Variants in CADM2 observed in about 807,000 individuals in gnomAD.
CADM2 encodes immunoglobulin superfamily member 4D.
CADM2 carries 12 observed loss-of-function variants against 49.8 expected under a neutral mutation model. That is an observed-to-expected ratio of 0.24 (90% CI 0.15 to 0.39). The LOEUF is 0.39. Among genes scored for constraint, CADM2 ranks in the 10% least tolerant of loss-of-function variants. The pLI is 1.00. For synonymous variants in CADM2, 214 were observed against 175.4 expected (o/e 1.22, Z -1.74); for missense variants, 378 against 492.3 (o/e 0.77, Z 2.20).
At chr3:86,052,588 G>A (rs1475886910) in intron 8 of CADM2, among the ~76,000 whole-genome samples, 3 of 151,986 alleles carry the variant, frequency 2.0e-5, no homozygotes, top group Non-Finnish European at 4.4e-5. Context: ...CAATGATGTA[G>A]GACAAAATTT....
intron 1 of CADM2, among the ~76,000 whole-genome samples, chr3:85,398,420 G>A (rs1012516334): frequency 6.6e-6 from 1 of 152,148 alleles, no homozygotes; most frequent in Non-Finnish European, 1.5e-5. Context: ...GGACATTTGG[G>A]TTGGTTCCAA....
Position 85,757,219 on chromosome 3 carries a change from G to A in CADM2, c.88+30671G>A, listed in dbSNP as rs191851990. On this transcript the variant is annotated intron_variant, in intron 2 of 9. Coordinates refer to ENST00000383699, the MANE Select transcript of CADM2 (RefSeq NM_001167675.2). ...GAAATTAACATTTGCAATGATATTA[G>A]AAGACTATAAGAAAAGGACTAAAGA... 1.4e-3 allele frequency among the ~76,000 whole-genome samples: 207 copies of A among 152,214 alleles called. 1 individual carries two copies. The highest frequency in any genetic ancestry group is 2.6e-3 in the Non-Finnish European group (176 of 67,984).
chr3:85,815,588 A>G (rs757679537), intron 3 of CADM2, among the ~76,000 whole-genome samples: 18 of 152,200 alleles, frequency 1.2e-4, no homozygotes, highest in Non-Finnish European at 1.5e-4. Flanking sequence ...TATTGATAGA[A>G]CATATCTCAA....
chr3:85,815,897 G>A (rs1475114421), intron 3 of CADM2, among the ~76,000 whole-genome samples: 2 of 152,074 alleles, frequency 1.3e-5, no homozygotes, highest in East Asian at 1.9e-4. Context: ...CTTTAGCAAA[G>A]TTCAGGATAC....
At chr3:85,905,879 TATC>T (rs1211284502) in intron 5 of CADM2, among the ~76,000 whole-genome samples, 16 of 152,144 alleles carry the variant, frequency 1.1e-4, no homozygotes, top group Non-Finnish European at 2.1e-4. Flanking sequence ...TTCAGAAACT[TATC>T]ATTTCATCAC....
intron 1 of CADM2, among the ~76,000 whole-genome samples, chr3:85,369,958 A>T (rs1225128578): frequency 6.6e-6 from 1 of 151,822 alleles, no homozygotes; most frequent in African/African-American, 2.4e-5. Flanking sequence ...GAATGGAAAG[A>T]GATGTTTTTA....
intron 2 of CADM2, among the ~76,000 whole-genome samples, chr3:85,757,295 C>T (rs2069166536): frequency 6.6e-6 from 1 of 152,038 alleles, no homozygotes; most frequent in Admixed American, 6.6e-5. Flanking sequence ...ACTTATTTAA[C>T]ATTCAAATAT....
intron 2 of CADM2, among the ~76,000 whole-genome samples, chr3:85,781,286 A>T (rs1228019504): frequency 6.6e-6 from 1 of 152,080 alleles, no homozygotes; most frequent in Non-Finnish European, 1.5e-5. Context: ...CTATTTTTAA[A>T]CTTGAAATTG....
intron 1 of CADM2, among the ~76,000 whole-genome samples, chr3:85,155,493 A>C (rs937209028): frequency 4.6e-5 from 7 of 152,134 alleles, no homozygotes; most frequent in African/African-American, 1.4e-4. Flanking sequence ...TAATAATGGG[A>C]GACTTTAACA....
At chr3:85,922,427 G>C (rs571032275) in intron 6 of CADM2, among the ~76,000 whole-genome samples, 2 of 151,192 alleles carry the variant, frequency 1.3e-5, no homozygotes, top group South Asian at 4.2e-4. Context: ...TTTTAATGAC[G>C]TATTAATGTA....
At position 85,465,561 on chromosome 3, in the gene CADM2, T is replaced by C. The variant is rs1013246087; in HGVS notation, c.62-260961T>C. Among the ~76,000 whole-genome samples the C allele has an allele frequency of 3.3e-5, 5 of 152,184 alleles. No individual in the cohort carries two copies. The East Asian group carries it at 9.6e-4, about 29-fold the overall frequency. The stretch of plus-strand genomic sequence containing the variant: ...GAGTCATATTCACCTGGAAAAAATA[T>C]AAATTATTAGATATTTTATATTTTA... On this transcript the variant is annotated intron_variant, in intron 1 of 9. Transcript: ENST00000383699.
At chr3:85,914,099 T>C (rs1162647994) in intron 6 of CADM2, among the ~76,000 whole-genome samples, 2 of 152,188 alleles carry the variant, frequency 1.3e-5, no homozygotes, top group Admixed American at 1.3e-4. Flanking sequence ...TTATTCTTAG[T>C]TTAGTAGTTA....
At chr3:85,350,458 T>C (rs961422549) in intron 1 of CADM2, among the ~76,000 whole-genome samples, 2 of 152,170 alleles carry the variant, frequency 1.3e-5, no homozygotes, top group African/African-American at 4.8e-5. Context: ...AGCCAGTATT[T>C]CTGCATCCTT....
intron 1 of CADM2, among the ~76,000 whole-genome samples, chr3:85,361,414 T>A (rs2032353020): frequency 6.6e-6 from 1 of 152,188 alleles, no homozygotes; most frequent in Admixed American, 6.5e-5. Flanking sequence ...GGGGCTGCCT[T>A]AGCCTAATGG....
At position 85,245,385 on chromosome 3, in the gene CADM2, G is replaced by A. The variant is rs1463856979; in HGVS notation, c.61+285717G>A. 3.9e-5 allele frequency among the ~76,000 whole-genome samples: 6 copies of A among 152,012 alleles called. No individual in the cohort carries two copies. The East Asian group carries it at 5.8e-4, about 15-fold the overall frequency. On this transcript the variant is annotated intron_variant, in intron 1 of 9. Transcript: ENST00000383699. ...AAATTAGCCGGGTGTGGTGACGGGC[G>A]CCTGTAGTACCAGCTACTTGGGAGG...
At chr3:86,046,247 A>G (rs1486927355) in intron 8 of CADM2, among the ~76,000 whole-genome samples, 1 of 152,138 alleles carries the variant, frequency 6.6e-6, no homozygotes, top group Non-Finnish European at 1.5e-5. Context: ...TATTTTGTTT[A>G]CATGTGCCTT....
rs35485915 is a variant in CADM2 at position 85,427,160 on chromosome 3, CTATATATATATA to C, written c.62-299332_62-299321del. ...AACATTACTCACTGATGTATTGGAA[CTATATATATATA>C]TATATATATATATATATATATATAT... On this transcript the variant is annotated intron_variant, in intron 1 of 9. Coordinates refer to ENST00000383699, the MANE Select transcript of CADM2 (RefSeq NM_001167675.2). Among the ~76,000 whole-genome samples, 128 of 113,694 alleles carry C rather than the reference CTATATATATATA, an allele frequency of 1.1e-3. 1 individual carries two copies. Among genetic ancestry groups the C allele is most frequent in the African/African-American group, 1.9e-3 (39 of 20,466 alleles). The allele number at this position is 113,694 out of a possible 152,430, so 74.6% of individuals were successfully genotyped here. A position where few individuals can be genotyped will look rare whatever the true frequency, so the allele number is the denominator to read the frequency against.
At chr3:85,673,594 A>T (rs2065810071) in intron 1 of CADM2, among the ~76,000 whole-genome samples, 1 of 152,022 alleles carries the variant, frequency 6.6e-6, no homozygotes. Flanking sequence ...AATGGTAAGT[A>T]TAGTAGTGCT....
chr3:85,095,479 G>A (rs1228978358), intron 1 of CADM2, among the ~76,000 whole-genome samples: 5 of 152,086 alleles, frequency 3.3e-5, no homozygotes, highest in Non-Finnish European at 7.4e-5. Flanking sequence ...TGGCTCAATT[G>A]TATAATTGGT....
Sources: allele counts gnomAD v4.1 joint callset (sites outside exome capture counted in the v4.1 genomes callset), GRCh38; gene constraint gnomAD v4.1.1; transcripts MANE v1.5; gene names NCBI Gene and HGNC (gene_info 2026-07-23, HGNC 2026-07-21).